Variants in CDH11 observed in about 807,000 individuals in gnomAD.
The protein encoded by CDH11 is cadherin-11.
A neutral mutation model predicts 67.8 loss-of-function variants in CDH11; 11 were observed. The ratio of observed to expected loss-of-function variants is 0.16; its 90% CI spans 0.10 to 0.27. The LOEUF is 0.27. CDH11 is among the 10% of genes least tolerant of loss of function. The pLI, the probability that CDH11 is intolerant of heterozygous loss-of-function variation, is 1.00. For synonymous variants in CDH11, 419 were observed against 400.0 expected (o/e 1.05, Z -0.57); for missense variants, 847 against 1,031.2 (o/e 0.82, Z 2.45).
intron 11 of CDH11, among the ~76,000 whole-genome samples, chr16:64,966,264 G>C (rs2071824796): frequency 6.6e-6 from 1 of 151,954 alleles, no homozygotes; most frequent in Non-Finnish European, 1.5e-5. Context: ...TCAGACCATG[G>C]TTTTGGACAG....
intron 4 of CDH11, among the ~76,000 whole-genome samples, chr16:64,996,492 A>G (rs1265983453): frequency 8.3e-5 from 1 of 12,118 alleles, no homozygotes; most frequent in Non-Finnish European, 4.9e-4. Context: ...TCTGTCTCAG[A>G]AAAAAAAAAA....
chr16:64,983,552 A>T (rs950543298), intron 7 of CDH11, among the ~76,000 whole-genome samples: 2 of 152,204 alleles, frequency 1.3e-5, no homozygotes, highest in Non-Finnish European at 2.9e-5. Context: ...CTAATTTTGC[A>T]GTACTCTACA....
chr16:65,016,976 T>A (rs1487930307), intron 2 of CDH11, among the ~76,000 whole-genome samples: 3 of 152,168 alleles, frequency 2.0e-5, no homozygotes, highest in Non-Finnish European at 4.4e-5. Context: ...TTGTAAACTG[T>A]TGTGGCACTG....
chr16:64,990,122 A>T (rs1351605771), intron 6 of CDH11, among the ~76,000 whole-genome samples: 1 of 152,220 alleles, frequency 6.6e-6, no homozygotes, highest in East Asian at 1.9e-4. Context: ...GAAACCAGTA[A>T]AACCAGTACA....
chr16:65,085,611 A>G (rs998161473), intron 1 of CDH11, among the ~76,000 whole-genome samples: 7 of 152,226 alleles, frequency 4.6e-5, no homozygotes, highest in Non-Finnish European at 8.8e-5. Flanking sequence ...TTCATCTTTC[A>G]TAGGATAGAC....
In CDH11 at chr16:64,988,402, T is replaced by C. The variant is rs1304471041; in HGVS notation, c.812-58A>G. On this transcript the variant is annotated intron_variant, in intron 6 of 12. Transcript: ENST00000268603. ...CTTTTATTTGGCAGCTGTAAGACTATAGATTTCATTGAATCCCAATAAATT... is the reference window on the plus strand; with the variant it reads ...CTTTTATTTGGCAGCTGTAAGACTACAGATTTCATTGAATCCCAATAAATT... 17 of 1,386,912 alleles carry C rather than the reference T, an allele frequency of 1.2e-5. No individual in the cohort carries two copies. In the East Asian group the frequency reaches 1.4e-4, roughly 12 times the overall value. The allele number at this position is 1,386,912 out of a possible 1,614,324, so 85.9% of individuals were successfully genotyped here. A position where few individuals can be genotyped will look rare whatever the true frequency, so the allele number is the denominator to read the frequency against.
Position 64,947,518 on chromosome 16 carries a change from A to T in CDH11, c.*85T>A. The stretch of plus-strand genomic sequence containing the variant: ...CCTGTTTTAAATGAGCCTTTCCTTG[A>T]TTTAAAAAAATACCTGTTTACACAT... On this transcript the variant is annotated 3_prime_UTR_variant, in exon 13 of 13. Coordinates refer to ENST00000268603, the MANE Select transcript of CDH11 (RefSeq NM_001797.4). The T allele has an allele frequency of 5.3e-6, 8 of 1,517,326 alleles. No individual in the cohort carries two copies. The highest frequency in any genetic ancestry group is 7.0e-6 in the Non-Finnish European group (8 of 1,136,230). 94.0% of individuals were successfully genotyped at this position (1,517,326 alleles called of 1,614,324 possible).
chr16:65,016,598 G>C (rs1410121669), intron 2 of CDH11, among the ~76,000 whole-genome samples: 1 of 152,078 alleles, frequency 6.6e-6, no homozygotes, highest in African/African-American at 2.4e-5. Flanking sequence ...TGCATTTCTG[G>C]AAAAAGAATT....
Position 65,089,403 on chromosome 16 carries a change from C to T in CDH11, c.-298+32477G>A, listed in dbSNP as rs541553540. Reference sequence around the variant, plus strand: ...CATTCTATATTTGAATAATAGAAAACGATTTTTAAAATATTATTCTACCCT... The same window carrying T: ...CATTCTATATTTGAATAATAGAAAATGATTTTTAAAATATTATTCTACCCT... On this transcript the variant is annotated intron_variant, in intron 1 of 12. Coordinates refer to ENST00000268603, the MANE Select transcript of CDH11 (RefSeq NM_001797.4). Among the ~76,000 whole-genome samples the T allele has an allele frequency of 3.3e-5, 5 of 152,158 alleles. No individual in the cohort carries two copies. The South Asian group carries it at 6.2e-4, about 19-fold the overall frequency.
chr16:65,096,152 G>A (rs185419648), intron 1 of CDH11, among the ~76,000 whole-genome samples: 7 of 152,046 alleles, frequency 4.6e-5, no homozygotes, highest in Admixed American at 3.3e-4. Flanking sequence ...ACATTTTATC[G>A]CAAGCATACG....
At chr16:65,072,519 T>TG (rs1309744415) in intron 1 of CDH11, among the ~76,000 whole-genome samples, 4 of 152,184 alleles carry the variant, frequency 2.6e-5, no homozygotes, top group Non-Finnish European at 2.9e-5. Flanking sequence ...AATTTTTTTT[T>TG]TAAATTGGCA....
At chr16:64,982,981 C>T (rs35209) in intron 7 of CDH11, 39,966 of 152,110 alleles carry the variant, frequency 0.26, 6,030 homozygotes, top group Middle Eastern at 0.36. Context: ...AACACATCTG[C>T]TCTGCTTCAC....
chr16:64,976,483 T>C (rs951745297), intron 8 of CDH11, among the ~76,000 whole-genome samples: 4 of 152,008 alleles, frequency 2.6e-5, no homozygotes, highest in African/African-American at 9.7e-5. Flanking sequence ...CCATTATATG[T>C]CCAAAGACTC....
intron 12 of CDH11, chr16:64,948,907 C>A: frequency 1.4e-6 from 1 of 699,298 alleles, no homozygotes; most frequent in Non-Finnish European, 2.3e-6. Flanking sequence ...CTCCCATACA[C>A]CCAGCAAGGC....
At chr16:64,995,411 C>A (rs2072739111) in intron 4 of CDH11, among the ~76,000 whole-genome samples, 1 of 152,130 alleles carries the variant, frequency 6.6e-6, no homozygotes, top group Non-Finnish European at 1.5e-5. Flanking sequence ...ACCAGTGGAA[C>A]AGAATAGAGA....
chr16:65,088,574 T>A (rs1398097793), intron 1 of CDH11, among the ~76,000 whole-genome samples: 2 of 152,250 alleles, frequency 1.3e-5, no homozygotes, highest in Non-Finnish European at 2.9e-5. Flanking sequence ...GTTGTATGAA[T>A]GAACTGTTAC....
At chr16:64,979,965 C>A (rs939992871) in intron 8 of CDH11, among the ~76,000 whole-genome samples, 2 of 152,150 alleles carry the variant, frequency 1.3e-5, no homozygotes, top group Non-Finnish European at 2.9e-5. Context: ...AATTCAGTTA[C>A]ATAAGACCAC....
At chr16:64,983,424 C>G (rs2072406618) in intron 7 of CDH11, among the ~76,000 whole-genome samples, 1 of 152,150 alleles carries the variant, frequency 6.6e-6, no homozygotes, top group Non-Finnish European at 1.5e-5. Context: ...TGCTGAACTA[C>G]CAAATGTTTG....
intron 2 of CDH11, among the ~76,000 whole-genome samples, chr16:65,010,339 C>T (rs1029653472): frequency 2.0e-5 from 3 of 152,106 alleles, no homozygotes; most frequent in South Asian, 2.1e-4. Context: ...TTTTATTCCC[C>T]GTTCAGATCT....
Sources: allele counts gnomAD v4.1 joint callset (sites outside exome capture counted in the v4.1 genomes callset), GRCh38; gene constraint gnomAD v4.1.1; transcripts MANE v1.5; gene names NCBI Gene and HGNC (gene_info 2026-07-23, HGNC 2026-07-21).